GALNT2: variants seen among roughly 807,000 people sequenced by gnomAD.
The protein encoded by GALNT2 is UDP-GalNAc:polypeptide N-acetylgalactosaminyltransferase 2.
A neutral mutation model predicts 81.4 loss-of-function variants in GALNT2; 31 were observed. The ratio of observed to expected loss-of-function variants is 0.38; its 90% CI spans 0.29 to 0.51. The LOEUF (loss-of-function observed/expected upper bound fraction) is 0.51. Ranked by LOEUF, GALNT2 falls within the 20% of genes least tolerant of loss-of-function variation. The pLI is 0.87. For synonymous variants in GALNT2, 303 were observed against 287.4 expected (o/e 1.05, Z -0.55); for missense variants, 629 against 765.7 (o/e 0.82, Z 2.11).
At chr1:230,062,510 T>A (rs1488119919), upstream of GALNT2, among the ~76,000 whole-genome samples, 1 of 152,236 alleles carries the variant, frequency 6.6e-6, no homozygotes, top group African/African-American at 2.4e-5. Flanking sequence ...TGGGAACTCC[T>A]AATTCCTCTC....
intron 1 of GALNT2, among the ~76,000 whole-genome samples, chr1:230,154,783 G>A (rs1157096335): frequency 6.6e-6 from 1 of 152,140 alleles, no homozygotes; most frequent in African/African-American, 2.4e-5. Context: ...CTTGAGCGCA[G>A]ACTTCCAGAA....
At chr1:230,091,328 C>T (rs1197741925) in intron 1 of GALNT2, among the ~76,000 whole-genome samples, 6 of 152,074 alleles carry the variant, frequency 3.9e-5, no homozygotes, top group Non-Finnish European at 7.4e-5. Flanking sequence ...GCCACCTTGG[C>T]CTCCCAAAGT....
chr1:230,243,226 G>A lies in GALNT2; in HGVS notation c.608-80G>A. ...AGCAGGCTGCAGAGCTGCGGGCAGGGAGGCGTCGCCGGTTGGCATGGGGTT... is the reference window on the plus strand; with the variant it reads ...AGCAGGCTGCAGAGCTGCGGGCAGGAAGGCGTCGCCGGTTGGCATGGGGTT... On this transcript the variant is annotated intron_variant, in intron 6 of 15. Coordinates refer to ENST00000366672, the MANE Select transcript of GALNT2 (RefSeq NM_004481.5). This position sits in a 1 kb window ranked among gnomAD's most constrained non-coding sequence, Gnocchi z 4.2. 1 of 1,486,868 alleles carries A rather than the reference G, an allele frequency of 6.7e-7. No individual in the cohort carries two copies. 92.1% of individuals were successfully genotyped at this position (1,486,868 alleles called of 1,614,324 possible).
intron 3 of GALNT2, among the ~76,000 whole-genome samples, chr1:230,209,823 CAAA>C (rs11302394): frequency 1.5e-5 from 2 of 135,064 alleles, no homozygotes. Context: ...GACCTTGTCT[CAAA>C]AAAAAAAAAA....
intron 1 of GALNT2, among the ~76,000 whole-genome samples, chr1:230,101,875 G>A (rs113730205): frequency 3.8e-4 from 58 of 152,330 alleles, no homozygotes; most frequent in African/African-American, 1.4e-3. Flanking sequence ...AGGACAGTCC[G>A]TAGGAGAGAT....
At chr1:230,171,409 G>C (rs575429914) in intron 1 of GALNT2, among the ~76,000 whole-genome samples, 2 of 152,216 alleles carry the variant, frequency 1.3e-5, no homozygotes, top group African/African-American at 4.8e-5. Flanking sequence ...GAGGGTTGCT[G>C]TGTGGATTGG....
chr1:230,143,489 C>T (rs762592416), intron 1 of GALNT2, among the ~76,000 whole-genome samples: 30 of 152,204 alleles, frequency 2.0e-4, no homozygotes, highest in Non-Finnish European at 3.2e-4. Context: ...AAGTCCCATG[C>T]AGAACTGCGG....
At chr1:230,073,810 G>T (rs1017946251) in intron 1 of GALNT2, among the ~76,000 whole-genome samples, 5 of 152,188 alleles carry the variant, frequency 3.3e-5, no homozygotes, top group African/African-American at 1.2e-4. Flanking sequence ...CTTGCTGGCT[G>T]CTTGCCCTGG....
intron 1 of GALNT2, among the ~76,000 whole-genome samples, chr1:230,169,493 G>A (rs529594512): frequency 6.6e-6 from 1 of 152,286 alleles, no homozygotes; most frequent in African/African-American, 2.4e-5. Flanking sequence ...CTGGGTCACC[G>A]ATGGCCATTT....
intron 1 of GALNT2, among the ~76,000 whole-genome samples, chr1:230,131,683 G>A (rs948135020): frequency 1.3e-5 from 2 of 152,208 alleles, no homozygotes; most frequent in South Asian, 4.1e-4. Flanking sequence ...GTTCGGTTTG[G>A]TAACAAGCCC....
chr1:230,142,467 A>C (rs965736237), intron 1 of GALNT2, among the ~76,000 whole-genome samples: 1 of 152,076 alleles, frequency 6.6e-6, no homozygotes, highest in Admixed American at 6.5e-5. Context: ...ATCACTCTTG[A>C]TCTGGGGCAA....
In GALNT2 at chr1:230,070,780, G is replaced by A. The variant is rs1202789664; in HGVS notation, c.126+3374G>A. ...TGGTACACATGGAGGGGAACGTTAG[G>A]GTGTAAAGTTGGAGAAATTCAGAAC... On this transcript the variant is annotated intron_variant, in intron 1 of 15. Transcript: ENST00000366672. The surrounding 1 kb of genome is among the most constrained non-coding windows in gnomAD (Gnocchi z 4.7). 6.6e-6 allele frequency among the ~76,000 whole-genome samples: 1 copy of A among 152,128 alleles called. No individual in the cohort carries two copies. Among genetic ancestry groups the A allele is most frequent in the Non-Finnish European group, 1.5e-5 (1 of 68,028 alleles).
At position 230,271,188 on chromosome 1, in the gene GALNT2, G is replaced by C. The variant is rs1003676422; in HGVS notation, c.1441-3257G>C. On this transcript the variant is annotated intron_variant, in intron 14 of 15. Transcript: ENST00000366672. This position sits in a 1 kb window ranked among gnomAD's most constrained non-coding sequence, Gnocchi z 4.2. Reference sequence around the variant, plus strand: ...CATCCTGGTGGTGTCCCCAGCCCCTGTGAGTGCAGGGACGGAACAATGTGC... The same window carrying C: ...CATCCTGGTGGTGTCCCCAGCCCCTCTGAGTGCAGGGACGGAACAATGTGC... Among the ~76,000 whole-genome samples the C allele has an allele frequency of 2.0e-5, 3 of 152,220 alleles. No homozygotes were observed. The highest frequency in any genetic ancestry group is 7.2e-5 in the African/African-American group (3 of 41,448).
chr1:230,175,865 G>T (rs1215377085), intron 1 of GALNT2, among the ~76,000 whole-genome samples: 1 of 151,460 alleles, frequency 6.6e-6, no homozygotes, highest in African/African-American at 2.4e-5. Context: ...AGTTTAAATC[G>T]AGCCCTAGCC....
chr1:230,183,845 G>A (rs1449755439), intron 2 of GALNT2, among the ~76,000 whole-genome samples: 2 of 152,046 alleles, frequency 1.3e-5, no homozygotes, highest in Non-Finnish European at 1.5e-5. Flanking sequence ...AGGTGTGGTG[G>A]TGCGTGCCTG....
intron 1 of GALNT2, among the ~76,000 whole-genome samples, chr1:230,109,604 G>A (rs1391689882): frequency 2.6e-5 from 4 of 152,220 alleles, no homozygotes; most frequent in Non-Finnish European, 5.9e-5. Context: ...GAGGCAGGTG[G>A]ATCACCTGAG....
At chr1:230,117,348 C>T (rs1474586365) in intron 1 of GALNT2, among the ~76,000 whole-genome samples, 2 of 152,228 alleles carry the variant, frequency 1.3e-5, no homozygotes, top group South Asian at 2.1e-4. Flanking sequence ...GCTTTCTTAT[C>T]GTTCATGTGT....
intron 1 of GALNT2, among the ~76,000 whole-genome samples, chr1:230,141,700 C>T (rs920328784): frequency 4.0e-5 from 6 of 151,482 alleles, no homozygotes; most frequent in Admixed American, 1.3e-4. Context: ...TTGATGGACA[C>T]GTGGGTCCTT....
At chr1:230,196,107 G>T (rs1486654999) in intron 2 of GALNT2, among the ~76,000 whole-genome samples, 9 of 152,242 alleles carry the variant, frequency 5.9e-5, no homozygotes, top group Admixed American at 2.6e-4. Context: ...AGAATGTGGG[G>T]AGTAAGGTTC....
Sources: allele counts gnomAD v4.1 joint callset (sites outside exome capture counted in the v4.1 genomes callset), GRCh38; gene constraint gnomAD v4.1.1; non-coding constraint Gnocchi (gnomAD v3.1); transcripts MANE v1.5; gene names NCBI Gene and HGNC (gene_info 2026-07-23, HGNC 2026-07-21).